The following ST6GALNAC3 variants were observed in gnomAD, a reference collection of about 807,000 sequenced individuals.
ST6GALNAC3 encodes the protein ST6 N-acetylgalactosaminide alpha-2,6-sialyltransferase 3.
In ST6GALNAC3, 25 loss-of-function variants were observed where a neutral mutation model predicts 32.7. The observed-to-expected ratio is 0.76, with a 90% CI of 0.56 to 1.07. The LOEUF (loss-of-function observed/expected upper bound fraction) is 1.07. Ranked by LOEUF, ST6GALNAC3 falls within the 50% of genes least tolerant of loss-of-function variation. The pLI is 0.00. For missense variants in ST6GALNAC3, 355 were observed against 382.4 expected, an observed-to-expected ratio of 0.93 and a Z score of 0.60; for synonymous variants, 129 against 133.1, an observed-to-expected ratio of 0.97 and a Z score of 0.21.
intron 1 of ST6GALNAC3, among the ~76,000 whole-genome samples, chr1:76,109,152 T>G (rs2100797289): frequency 6.6e-6 from 1 of 152,280 alleles, no homozygotes; most frequent in Non-Finnish European, 1.5e-5. Context: ...TCGTTTGCTG[T>G]TATGGTTTAT....
intron 1 of ST6GALNAC3, among the ~76,000 whole-genome samples, chr1:76,236,341 C>T (rs771176839): frequency 9.2e-5 from 14 of 152,116 alleles, no homozygotes; most frequent in Non-Finnish European, 1.0e-4. Context: ...TTTCAACATA[C>T]GAGTTTTGGA....
intron 3 of ST6GALNAC3, among the ~76,000 whole-genome samples, chr1:76,611,503 G>A (rs1412898019): frequency 1.3e-5 from 2 of 152,028 alleles, no homozygotes; most frequent in East Asian, 1.9e-4. Context: ...GAAAATAGTG[G>A]TGATCAACAG....
chr1:76,333,709 A>G (rs1204895721), intron 2 of ST6GALNAC3, among the ~76,000 whole-genome samples: 1 of 152,208 alleles, frequency 6.6e-6, no homozygotes, highest in East Asian at 1.9e-4. Context: ...TATAAAATTA[A>G]TGAGACTTTT....
intron 1 of ST6GALNAC3, among the ~76,000 whole-genome samples, chr1:76,174,179 C>A (rs1035950315): frequency 2.0e-5 from 3 of 151,950 alleles, no homozygotes; most frequent in African/African-American, 7.2e-5. Context: ...AGATTATGTC[C>A]TTTGCAGGAA....
chr1:76,107,320 A>T (rs1224231983), intron 1 of ST6GALNAC3, among the ~76,000 whole-genome samples: 2 of 147,738 alleles, frequency 1.4e-5, no homozygotes, highest in Non-Finnish European at 3.0e-5. Context: ...TTTTTATAAT[A>T]ATCAGGCATC....
At chr1:76,456,478 G>T (rs1014998767) in intron 3 of ST6GALNAC3, among the ~76,000 whole-genome samples, 7 of 151,952 alleles carry the variant, frequency 4.6e-5, no homozygotes, top group Admixed American at 3.3e-4. Context: ...TGAGTAGCTA[G>T]GATAAGAAGC....
At chr1:76,184,683 C>T (rs1653439229) in intron 1 of ST6GALNAC3, among the ~76,000 whole-genome samples, 2 of 152,112 alleles carry the variant, frequency 1.3e-5, no homozygotes, top group Admixed American at 6.5e-5. Flanking sequence ...CCAATGAGGA[C>T]CACCCATGGG....
intron 3 of ST6GALNAC3, among the ~76,000 whole-genome samples, chr1:76,483,373 C>A (rs1659870909): frequency 6.6e-6 from 1 of 152,162 alleles, no homozygotes; most frequent in African/African-American, 2.4e-5. Flanking sequence ...TCTCCACATC[C>A]TCTCCAGCAC....
At chr1:76,412,751 C>G (rs1290285688) in intron 3 of ST6GALNAC3, among the ~76,000 whole-genome samples, 1 of 151,984 alleles carries the variant, frequency 6.6e-6, no homozygotes, top group Non-Finnish European at 1.5e-5. Flanking sequence ...TGTTTCAAAA[C>G]CTAGTAATGG....
chr1:76,410,316 G>T (rs998079985), intron 2 of ST6GALNAC3, among the ~76,000 whole-genome samples: 2 of 152,028 alleles, frequency 1.3e-5, no homozygotes, highest in African/African-American at 4.8e-5. Context: ...TGCTCTGCAG[G>T]AAAGCTTTTT....
At chr1:76,444,686 T>G (rs755430511) in intron 3 of ST6GALNAC3, among the ~76,000 whole-genome samples, 1 of 152,144 alleles carries the variant, frequency 6.6e-6, no homozygotes, top group African/African-American at 2.4e-5. Context: ...TTCTCCACTT[T>G]CCATAGTTGC....
intron 3 of ST6GALNAC3, among the ~76,000 whole-genome samples, chr1:76,622,521 T>C (rs1570471880): frequency 6.6e-6 from 1 of 151,810 alleles, no homozygotes; most frequent in Admixed American, 6.6e-5. Flanking sequence ...AAGGCAAGAA[T>C]AGGCCCTGGG....
At chr1:76,292,862 G>A (rs924617180) in intron 1 of ST6GALNAC3, among the ~76,000 whole-genome samples, 1 of 152,096 alleles carries the variant, frequency 6.6e-6, no homozygotes, top group Admixed American at 6.5e-5. Context: ...CAAAATTATT[G>A]TTTATATGAA....
chr1:76,255,561 C>T (rs919237778), intron 1 of ST6GALNAC3, among the ~76,000 whole-genome samples: 2 of 152,058 alleles, frequency 1.3e-5, no homozygotes, highest in Non-Finnish European at 2.9e-5. Flanking sequence ...ATATTTTGTT[C>T]AGTTGGTACA....
intron 1 of ST6GALNAC3, among the ~76,000 whole-genome samples, chr1:76,165,858 TG>T (rs1343948003): frequency 1.3e-5 from 2 of 152,002 alleles, no homozygotes; most frequent in African/African-American, 4.8e-5. Context: ...CACTTTCTAA[TG>T]GGTTTTTTTT....
At chr1:76,602,108 C>T (rs1647262557) in intron 3 of ST6GALNAC3, among the ~76,000 whole-genome samples, 1 of 151,992 alleles carries the variant, frequency 6.6e-6, no homozygotes, top group African/African-American at 2.4e-5. Flanking sequence ...AATGGGACTT[C>T]AAGAATAAAG....
chr1:76,284,397 T>G (rs190296691), intron 1 of ST6GALNAC3, among the ~76,000 whole-genome samples: 3 of 152,286 alleles, frequency 2.0e-5, no homozygotes, highest in African/African-American at 7.2e-5. Flanking sequence ...TTCTATTCTA[T>G]TGGGGTCTGG....
chr1:76,176,766 A>G (rs1652883727), intron 1 of ST6GALNAC3, among the ~76,000 whole-genome samples: 1 of 152,194 alleles, frequency 6.6e-6, no homozygotes, highest in South Asian at 2.1e-4. Flanking sequence ...GTTTGGTGCA[A>G]TTTTCTGGTT....
At chr1:76,502,892 A>G (rs1661257930) in intron 3 of ST6GALNAC3, among the ~76,000 whole-genome samples, 1 of 152,186 alleles carries the variant, frequency 6.6e-6, no homozygotes, top group African/African-American at 2.4e-5. Context: ...AATAAGTGAG[A>G]AATAGAGTGA....
Sources: gnomAD v4.1 joint callset for allele counts (sites outside exome capture counted in the v4.1 genomes callset) on GRCh38, gnomAD v4.1.1 for gene constraint, MANE v1.5 for transcripts, NCBI Gene and HGNC (gene_info 2026-07-23, HGNC 2026-07-21) for gene names.